The following F13A1 variants were observed in gnomAD, a reference collection of about 807,000 sequenced individuals.
F13A1 encodes the protein coagulation factor XIII A chain.
F13A1 carries 47 observed loss-of-function variants against 80.1 expected under a neutral mutation model. That is an observed-to-expected ratio of 0.59 (90% CI 0.46 to 0.75). F13A1 has a LOEUF of 0.75. F13A1 is among the 30% of genes least tolerant of loss of function. The pLI, the probability that F13A1 is intolerant of heterozygous loss-of-function variation, is 0.00. For synonymous variants in F13A1, 349 were observed against 344.9 expected (o/e 1.01, Z -0.13); for missense variants, 817 against 930.4 (o/e 0.88, Z 1.59).
chr6:6,316,077 G>GTGTATATA (rs1758675745), intron 2 of F13A1, among the ~76,000 whole-genome samples: 4 of 49,656 alleles, frequency 8.1e-5, no homozygotes, highest in Non-Finnish European at 1.6e-4. Flanking sequence ...ATGTGTGTGT[G>GTGTATATA]CATATATATA....
intron 6 of F13A1, among the ~76,000 whole-genome samples, chr6:6,237,113 TTC>T (rs1388384274): frequency 1.3e-5 from 2 of 152,186 alleles, no homozygotes; most frequent in Non-Finnish European, 2.9e-5. Flanking sequence ...GCTCTGCTTT[TTC>T]TCTTTTATGT....
chr6:6,203,237 A>G (rs1376983363), intron 8 of F13A1, among the ~76,000 whole-genome samples: 2 of 152,338 alleles, frequency 1.3e-5, no homozygotes, highest in Admixed American at 6.5e-5. Flanking sequence ...GACTCCCACT[A>G]CCTTTTGCAT....
chr6:6,236,516 A>C (rs900010889), intron 6 of F13A1, among the ~76,000 whole-genome samples: 8 of 152,032 alleles, frequency 5.3e-5, no homozygotes, highest in Non-Finnish European at 1.2e-4. Context: ...GAAATGTGAC[A>C]TTTCTTGATT....
At chr6:6,288,715 G>A (rs1461339931) in intron 3 of F13A1, among the ~76,000 whole-genome samples, 1 of 152,170 alleles carries the variant, frequency 6.6e-6, no homozygotes, top group African/African-American at 2.4e-5. Flanking sequence ...TGCTAGTTTT[G>A]TGAGGAACTG....
chr6:6,279,064 A>C (rs1239385149), intron 3 of F13A1, among the ~76,000 whole-genome samples: 1 of 152,154 alleles, frequency 6.6e-6, no homozygotes, highest in Non-Finnish European at 1.5e-5. Context: ...GTGTTTGCTT[A>C]AATTTACTGC....
At chr6:6,255,809 G>C (rs991284569) in intron 4 of F13A1, among the ~76,000 whole-genome samples, 3 of 152,064 alleles carry the variant, frequency 2.0e-5, no homozygotes, top group Non-Finnish European at 2.9e-5. Context: ...AAATGGGAAG[G>C]CTCGATTTTA....
chr6:6,191,610 C>G (rs553417451), intron 10 of F13A1, among the ~76,000 whole-genome samples: 3 of 152,300 alleles, frequency 2.0e-5, no homozygotes, highest in Non-Finnish European at 4.4e-5. Flanking sequence ...AGAATGTGAA[C>G]ATTTGTCCAC....
chr6:6,171,413 A>C (rs1207258986), intron 12 of F13A1, among the ~76,000 whole-genome samples: 1 of 152,222 alleles, frequency 6.6e-6, no homozygotes, highest in East Asian at 1.9e-4. Flanking sequence ...TTTCACATTC[A>C]TCACTCATTT....
intron 3 of F13A1, among the ~76,000 whole-genome samples, chr6:6,286,679 G>A (rs1758144651): frequency 6.6e-6 from 1 of 152,210 alleles, no homozygotes; most frequent in Admixed American, 6.5e-5. Flanking sequence ...ACAGGACAGT[G>A]TGTATGTATG....
chr6:6,318,304 A>G (rs1053654856), intron 2 of F13A1, among the ~76,000 whole-genome samples: 1 of 152,246 alleles, frequency 6.6e-6, no homozygotes. Flanking sequence ...AACTTCTCTG[A>G]GGTTACAAGG....
rs182473515 is a variant in F13A1 at position 6,260,564 on chromosome 6, C to T, written c.571+5994G>A. 9.2e-5 allele frequency among the ~76,000 whole-genome samples: 14 copies of T among 152,308 alleles called. No homozygotes were observed. In the East Asian group the frequency reaches 2.7e-3, roughly 29 times the overall value. On this transcript the variant is annotated intron_variant, in intron 4 of 14. Transcript: ENST00000264870. The stretch of plus-strand genomic sequence containing the variant: ...ACAAGCATAAAACTGCAGGGGACTG[C>T]TGGGCTACAGTGTATGTGCTTGTGT...
At position 6,174,708 on chromosome 6, in the gene F13A1, A is replaced by G; in HGVS notation, c.1619T>C (p.Phe540Ser). ...GTAACGGTTGTGGCTGTTGTTCCGGAAGGTGATGGAGAGCTTGAAGTCTTT... is the reference window on the plus strand; with the variant it reads ...GTAACGGTTGTGGCTGTTGTTCCGGGAGGTGATGGAGAGCTTGAAGTCTTT... The part of the protein sequence containing the change: ...LGKDFKLSIT[F>S]RNNSHNRYTI... Residue 540 changes from phenylalanine to serine, a missense_variant, in exon 12 of 15, where the codon TTC becomes TCC. Phe to Ser is a radical substitution (Grantham distance 155). Transcript: ENST00000264870. 2 of 1,614,092 alleles carry G rather than the reference A, an allele frequency of 1.2e-6. No homozygotes were observed. Among genetic ancestry groups the G allele is most frequent in the South Asian group, 1.1e-5 (1 of 91,068 alleles).
At chr6:6,165,750 T>C (rs1230790494) in intron 13 of F13A1, among the ~76,000 whole-genome samples, 2 of 152,244 alleles carry the variant, frequency 1.3e-5, no homozygotes, top group African/African-American at 4.8e-5. Flanking sequence ...CTTCACGTTC[T>C]CATGGATGAT....
intron 10 of F13A1, among the ~76,000 whole-genome samples, 179 bp downstream of exon 10, chr6:6,195,618 A>G (rs1174901228): frequency 6.6e-6 from 1 of 152,210 alleles, no homozygotes; most frequent in African/African-American, 2.4e-5. Flanking sequence ...AAAAATGTTA[A>G]ACAAGAACTG....
At chr6:6,295,463 T>A (rs1758309973) in intron 3 of F13A1, among the ~76,000 whole-genome samples, 1 of 148,072 alleles carries the variant, frequency 6.8e-6, no homozygotes, top group Non-Finnish European at 1.5e-5. Context: ...GGCATCTCAT[T>A]GTGGTTTTGA....
At chr6:6,309,544 A>G (rs937516453) in intron 2 of F13A1, among the ~76,000 whole-genome samples, 2 of 152,184 alleles carry the variant, frequency 1.3e-5, no homozygotes, top group South Asian at 2.1e-4. Context: ...GTTGGCTGAA[A>G]TGTACTAGTG....
chr6:6,176,695 T>C (rs549599312), intron 11 of F13A1, among the ~76,000 whole-genome samples: 3 of 152,308 alleles, frequency 2.0e-5, no homozygotes, highest in African/African-American at 7.2e-5. Context: ...GTGAAATCTT[T>C]TAGCAGAAAT....
At chr6:6,194,963 G>T (rs1275270621) in intron 10 of F13A1, among the ~76,000 whole-genome samples, 2 of 152,172 alleles carry the variant, frequency 1.3e-5, no homozygotes, top group Non-Finnish European at 2.9e-5. Flanking sequence ...ATTTTAGAAG[G>T]TTGCTAAGAG....
chr6:6,202,068 C>T (rs544503062), intron 8 of F13A1, among the ~76,000 whole-genome samples: 14 of 151,410 alleles, frequency 9.2e-5, no homozygotes, highest in African/African-American at 3.4e-4. Flanking sequence ...AATAACATAT[C>T]GATTACCTCC....
Sources: allele counts gnomAD v4.1 joint callset (sites outside exome capture counted in the v4.1 genomes callset), GRCh38; gene constraint gnomAD v4.1.1; transcripts MANE v1.5; gene names NCBI Gene and HGNC (gene_info 2026-07-23, HGNC 2026-07-21).